Variants in OPCML observed in about 807,000 individuals in gnomAD.
OPCML encodes the protein opioid binding protein/cell adhesion molecule like.
Under a neutral mutation model 37.8 loss-of-function variants are expected in OPCML, and 13 were observed. The ratio of observed to expected loss-of-function variants is 0.34; its 90% CI spans 0.22 to 0.55. The LOEUF (loss-of-function observed/expected upper bound fraction) is 0.55. Among genes scored for constraint, OPCML ranks in the 20% least tolerant of loss-of-function variants. OPCML has a pLI of 0.91. For missense variants in OPCML, 341 were observed against 435.6 expected, an observed-to-expected ratio of 0.78 and a Z score of 1.93; for synonymous variants, 176 against 168.8, an observed-to-expected ratio of 1.04 and a Z score of -0.33.
intron 2 of OPCML, among the ~76,000 whole-genome samples, chr11:132,857,948 G>A (rs2136348751): frequency 6.6e-6 from 1 of 152,244 alleles, no homozygotes; most frequent in Middle Eastern, 3.4e-3. Flanking sequence ...GGAGACAGGT[G>A]TGGGTGAGCA....
intron 1 of OPCML, among the ~76,000 whole-genome samples, chr11:133,392,024 C>T (rs1269450938): frequency 6.6e-6 from 1 of 152,100 alleles, no homozygotes; most frequent in Admixed American, 6.5e-5. Flanking sequence ...AAATTAAAGA[C>T]TATTTTTTTC....
At chr11:133,420,030 C>T (rs929447508) in intron 1 of OPCML, among the ~76,000 whole-genome samples, 3 of 152,282 alleles carry the variant, frequency 2.0e-5, no homozygotes, top group African/African-American at 7.2e-5. Flanking sequence ...TTGCAAAAAT[C>T]AGGGAAAATA....
At chr11:132,470,624 AG>A (rs2096135090) in intron 4 of OPCML, among the ~76,000 whole-genome samples, 1 of 152,226 alleles carries the variant, frequency 6.6e-6, no homozygotes, top group South Asian at 2.1e-4. Flanking sequence ...TAATAGCAGC[AG>A]TGGAAGCCAC....
intron 1 of OPCML, among the ~76,000 whole-genome samples, chr11:133,516,856 T>C (rs1948288713): frequency 6.6e-6 from 1 of 152,234 alleles, no homozygotes; most frequent in Admixed American, 6.5e-5. Context: ...CAACAGAATA[T>C]TCTGGATGCA....
intron 1 of OPCML, among the ~76,000 whole-genome samples, chr11:133,525,125 T>C (rs1026797087): frequency 2.6e-5 from 4 of 152,212 alleles, no homozygotes; most frequent in African/African-American, 9.7e-5. Context: ...TTGAAATACA[T>C]GGACTCACAG....
intron 1 of OPCML, among the ~76,000 whole-genome samples, chr11:133,314,002 G>A (rs531036104): frequency 2.6e-5 from 4 of 152,050 alleles, no homozygotes; most frequent in Non-Finnish European, 4.4e-5. Flanking sequence ...TTGGGAGGCC[G>A]AGGCGGGCGG....
At chr11:132,782,199 G>A (rs898223807) in intron 2 of OPCML, among the ~76,000 whole-genome samples, 2 of 151,530 alleles carry the variant, frequency 1.3e-5, no homozygotes, top group Non-Finnish European at 2.9e-5. Context: ...AATGAAGTGA[G>A]GAGAGGAAGC....
At chr11:133,123,593 T>G (rs1238801243) in intron 1 of OPCML, among the ~76,000 whole-genome samples, 12 of 152,064 alleles carry the variant, frequency 7.9e-5, no homozygotes. Context: ...TCCAGGGCCA[T>G]CTGGTCAGCC....
intron 2 of OPCML, among the ~76,000 whole-genome samples, chr11:132,939,040 AGT>A (rs1945487730): frequency 6.6e-6 from 1 of 152,060 alleles, no homozygotes; most frequent in Non-Finnish European, 1.5e-5. Flanking sequence ...TCCCTGCTTG[AGT>A]GTCTTTTAAT....
chr11:132,993,478 G>T (rs2136824079), intron 1 of OPCML, among the ~76,000 whole-genome samples: 1 of 152,284 alleles, frequency 6.6e-6, no homozygotes. Flanking sequence ...CCCTGGATTT[G>T]CTAACCACCG....
chr11:132,657,294 G>A lies in OPCML; in HGVS notation c.172C>T (p.Arg58Trp). 2 of 1,614,238 alleles carry A rather than the reference G, an allele frequency of 1.2e-6. No homozygotes were observed. Among genetic ancestry groups the A allele is most frequent in the Non-Finnish European group, 1.7e-6 (2 of 1,180,038 alleles). Reference protein sequence around the residue: ...LRCTIDDRVTRVAWLNRSTIL... With the variant: ...LRCTIDDRVTWVAWLNRSTIL... ...GTGCTGCGGTTTAGCCAGGCCACCC[G>A]GGTTACCCGGTCATCTATGGTACAC... The change falls in exon 3 of 8, where the codon CGG becomes TGG. Residue 58 changes from arginine to tryptophan, a missense_variant. Transcript: ENST00000524381.
chr11:133,471,645 C>A (rs762915159), intron 1 of OPCML, among the ~76,000 whole-genome samples: 1 of 151,816 alleles, frequency 6.6e-6, no homozygotes, highest in Non-Finnish European at 1.5e-5. Context: ...AGTAAAAAAC[C>A]GGAGTGGAAG....
intron 1 of OPCML, among the ~76,000 whole-genome samples, chr11:133,459,467 A>T (rs1190289589): frequency 6.6e-6 from 1 of 152,070 alleles, no homozygotes; most frequent in African/African-American, 2.4e-5. Context: ...AGCATATCCT[A>T]TATATAAGAG....
At chr11:132,855,635 C>T (rs1429905784) in intron 2 of OPCML, among the ~76,000 whole-genome samples, 1 of 152,174 alleles carries the variant, frequency 6.6e-6, no homozygotes, top group African/African-American at 2.4e-5. Flanking sequence ...ACTGTGGAAG[C>T]TATTCCTCCA....
intron 2 of OPCML, among the ~76,000 whole-genome samples, chr11:132,874,274 A>C (rs890071919): frequency 1.1e-4 from 16 of 152,184 alleles, no homozygotes; most frequent in Non-Finnish European, 2.1e-4. Flanking sequence ...TAGAAAATCT[A>C]TCTGAATCTT....
chr11:133,231,842 A>G (rs758450210), intron 1 of OPCML, among the ~76,000 whole-genome samples: 5 of 152,180 alleles, frequency 3.3e-5, no homozygotes, highest in Non-Finnish European at 7.3e-5. Context: ...TTGTCAAAGG[A>G]GAAGGGGCAA....
At position 132,900,213 on chromosome 11, in the gene OPCML, G is replaced by T. The variant is rs563306171; in HGVS notation, c.146+42713C>A. Among the ~76,000 whole-genome samples the T allele has an allele frequency of 4.6e-5, 7 of 152,224 alleles. No individual in the cohort carries two copies. The South Asian group carries it at 1.5e-3, about 32-fold the overall frequency. On this transcript the variant is annotated intron_variant, in intron 2 of 7. Coordinates refer to ENST00000524381, the MANE Select transcript of OPCML (RefSeq NM_001012393.5). Reference sequence around the variant, plus strand: ...GGACTTATTATAGGCTCATAATGGGGTCTTATTTCTGTACTTTCTATTTCG... The same window carrying T: ...GGACTTATTATAGGCTCATAATGGGTTCTTATTTCTGTACTTTCTATTTCG...
intron 2 of OPCML, among the ~76,000 whole-genome samples, chr11:132,706,357 C>A (rs1291811069): frequency 6.6e-6 from 1 of 152,096 alleles, no homozygotes; most frequent in African/African-American, 2.4e-5. Context: ...TTTCTGCCAC[C>A]CCAACAAAGC....
At chr11:132,505,254 A>G (rs1488085455) in intron 4 of OPCML, among the ~76,000 whole-genome samples, 1 of 152,084 alleles carries the variant, frequency 6.6e-6, no homozygotes, top group Non-Finnish European at 1.5e-5. Context: ...CTGTGGAAAA[A>G]GGAAAATAAA....
Sources: gnomAD v4.1 joint callset for allele counts (sites outside exome capture counted in the v4.1 genomes callset) on GRCh38, gnomAD v4.1.1 for gene constraint, MANE v1.5 for transcripts, NCBI Gene and HGNC (gene_info 2026-07-23, HGNC 2026-07-21) for gene names.